CLIC5: variants seen among roughly 807,000 people sequenced by gnomAD.
CLIC5 encodes CLIC family member 5, also known as chloride intracellular channel protein 5.
A neutral mutation model predicts 24.7 loss-of-function variants in CLIC5; 20 were observed. The ratio of observed to expected loss-of-function variants is 0.81; its 90% CI spans 0.57 to 1.18. The LOEUF (loss-of-function observed/expected upper bound fraction) is 1.18. Ranked by LOEUF, CLIC5 falls within the 50% of genes most tolerant of loss-of-function variation. CLIC5 has a pLI of 0.00. For synonymous variants in CLIC5, 159 were observed against 135.6 expected, an observed-to-expected ratio of 1.17 and a Z score of -1.20; for missense variants, 341 against 326.1, an observed-to-expected ratio of 1.05 and a Z score of -0.35.
chr6:46,019,080 A>G (rs1463516714), upstream of CLIC5, among the ~76,000 whole-genome samples: 1 of 144,752 alleles, frequency 6.9e-6, no homozygotes, highest in Admixed American at 7.0e-5. Context: ...ACAAAAGTAT[A>G]GTAAAAAAAA....
intron 1 of CLIC5, among the ~76,000 whole-genome samples, chr6:46,059,968 T>A (rs1200116343): frequency 6.6e-6 from 1 of 152,232 alleles, no homozygotes; most frequent in Non-Finnish European, 1.5e-5. Context: ...AAGTCTTTAA[T>A]CCAATTTTGA....
chr6:46,084,265 G>T (rs1199852890), upstream of CLIC5, among the ~76,000 whole-genome samples: 4 of 152,010 alleles, frequency 2.6e-5, no homozygotes, highest in Admixed American at 6.6e-5. Context: ...GGAGCATTTA[G>T]TCCATTTACA....
intron 1 of CLIC5, among the ~76,000 whole-genome samples, chr6:46,031,814 T>C (rs939468634): frequency 2.0e-5 from 3 of 150,644 alleles, no homozygotes; most frequent in Non-Finnish European, 4.4e-5. Context: ...AAAATCAAAC[T>C]ATGAAAGAGT....
chr6:46,001,123 G>A (rs3777615), intron 1 of CLIC5, among the ~76,000 whole-genome samples: 39,342 of 152,046 alleles, frequency 0.26, 5,561 homozygotes, highest in East Asian at 0.49. Context: ...GTTAGGCCTA[G>A]ATAAGCCTCT....
chr6:46,058,398 CAG>C (rs1407357741), intron 1 of CLIC5, among the ~76,000 whole-genome samples: 1 of 152,150 alleles, frequency 6.6e-6, no homozygotes, highest in African/African-American at 2.4e-5. Context: ...TGTCAATAAT[CAG>C]AGATATTAAG....
intron 5 of CLIC5, among the ~76,000 whole-genome samples, chr6:45,907,209 C>T (rs543604125): frequency 6.6e-6 from 1 of 152,182 alleles, no homozygotes; most frequent in East Asian, 1.9e-4. Flanking sequence ...CCTTTAATGC[C>T]TAATTTATTG....
At chr6:46,007,878 TTTTG>T (rs1481905354) in intron 1 of CLIC5, among the ~76,000 whole-genome samples, 5 of 151,784 alleles carry the variant, frequency 3.3e-5, no homozygotes, top group Non-Finnish European at 7.4e-5. Flanking sequence ...ATCTTCTTTC[TTTTG>T]TTTGTTTGTT....
intron 2 of CLIC5, among the ~76,000 whole-genome samples, chr6:45,950,888 T>C (rs1303208867): frequency 6.6e-6 from 1 of 152,208 alleles, no homozygotes; most frequent in Non-Finnish European, 1.5e-5. Flanking sequence ...TTAAAAATTC[T>C]GTTCAACATA....
chr6:46,006,021 CAT>C (rs1329069084), intron 1 of CLIC5, among the ~76,000 whole-genome samples: 2 of 132,898 alleles, frequency 1.5e-5, no homozygotes, highest in African/African-American at 5.9e-5. Flanking sequence ...TATATACACA[CAT>C]GTATAAATAT....
intron 3 of CLIC5, among the ~76,000 whole-genome samples, chr6:45,945,256 G>A (rs1764253032): frequency 6.6e-6 from 1 of 152,164 alleles, no homozygotes; most frequent in South Asian, 2.1e-4. Flanking sequence ...AAGATCAACA[G>A]TATGGTTCTT....
intron 6 of CLIC5, among the ~76,000 whole-genome samples, chr6:45,889,945 C>T (rs1389465099): frequency 6.6e-6 from 1 of 152,024 alleles, no homozygotes; most frequent in Non-Finnish European, 1.5e-5. Context: ...GAATGAAACA[C>T]TATATAGATG....
intron 6 of CLIC5, among the ~76,000 whole-genome samples, chr6:45,884,239 G>T (rs1581701970): frequency 6.6e-6 from 1 of 152,194 alleles, no homozygotes; most frequent in Non-Finnish European, 1.5e-5. Context: ...TGGATGGTAT[G>T]CCTTATCCTT....
chr6:46,115,672 A>AAATTATGTC, the CLIC5 span, among the ~76,000 whole-genome samples: 2 of 152,252 alleles, frequency 1.3e-5, no homozygotes, highest in East Asian at 3.8e-4. Context: ...TATCTCTGAA[A>AAATTATGTC]AATTATGTCA....
the CLIC5 span, among the ~76,000 whole-genome samples, chr6:46,101,286 G>T: frequency 6.6e-6 from 1 of 152,214 alleles, no homozygotes; most frequent in Non-Finnish European, 1.5e-5. Context: ...ACTTCATCAT[G>T]TCCTTGGGAA....
In CLIC5 at chr6:45,956,963, T is replaced by C. The variant is rs185064843; in HGVS notation, c.64-1719A>G. ...ATTTAATAATAGCTTGGTGCTAACT[T>C]GAGTTTATGATGTACGTTCCCTAGG... is the stretch of plus-strand genomic sequence containing the variant. On this transcript the variant is annotated intron_variant, in intron 1 of 5. Transcript: ENST00000339561. 1.8e-3 allele frequency among the ~76,000 whole-genome samples: 281 copies of C among 152,282 alleles called. 9 individuals carry two copies. The South Asian group carries it at 0.051, about 28-fold the overall frequency.
chr6:45,890,717 GA>G (rs1762340837), intron 6 of CLIC5, among the ~76,000 whole-genome samples: 1 of 152,170 alleles, frequency 6.6e-6, no homozygotes, highest in African/African-American at 2.4e-5. Context: ...AATCACAATG[GA>G]ATGCCATTCA....
intron 1 of CLIC5, among the ~76,000 whole-genome samples, chr6:46,067,685 C>T (rs886073280): frequency 4.6e-5 from 7 of 152,168 alleles, no homozygotes; most frequent in Admixed American, 2.0e-4. Flanking sequence ...AGCGTACTGG[C>T]TTTCTGTCCA....
intron 1 of CLIC5, among the ~76,000 whole-genome samples, chr6:45,971,637 G>A (rs990159801): frequency 2.0e-5 from 3 of 152,204 alleles, no homozygotes; most frequent in Admixed American, 6.5e-5. Flanking sequence ...GGAGCCTCAG[G>A]AATGGCAAAG....
chr6:45,913,991 A>G (rs1304129577), intron 5 of CLIC5, among the ~76,000 whole-genome samples: 1 of 152,088 alleles, frequency 6.6e-6, no homozygotes, highest in Non-Finnish European at 1.5e-5. Flanking sequence ...CGCTGTATTT[A>G]CTCTTCCACC....
Sources: allele counts gnomAD v4.1 joint callset (sites outside exome capture counted in the v4.1 genomes callset), GRCh38; gene constraint gnomAD v4.1.1; transcripts MANE v1.5; gene names NCBI Gene and HGNC (gene_info 2026-07-23, HGNC 2026-07-21).